Variants in CHODL observed in about 807,000 individuals in gnomAD.
CHODL encodes transmembrane protein MT75.
In CHODL, 29 loss-of-function variants were observed where a neutral mutation model predicts 34.5. The ratio of observed to expected loss-of-function variants is 0.84; its 90% CI spans 0.63 to 1.15. The LOEUF (loss-of-function observed/expected upper bound fraction) is 1.15, where lower values mean the gene tolerates loss of function less well. CHODL is among the 50% of genes most tolerant of loss of function. The pLI is 0.00. For missense variants in CHODL, 332 were observed against 332.5 expected (o/e 1.00, Z 0.01); for synonymous variants, 125 against 116.1 (o/e 1.08, Z -0.49).
At chr21:18,235,958 TTAAG>T (rs1206044851) in intron 2 of CHODL, among the ~76,000 whole-genome samples, 43 of 152,288 alleles carry the variant, frequency 2.8e-4, no homozygotes, top group South Asian at 6.2e-4. Flanking sequence ...CTGTTGGTTA[TTAAG>T]TAAGATGAAT....
rs565631844 is a variant in CHODL at position 18,082,164 on chromosome 21, T to C, written c.-45+54193T>C. On this transcript the variant is annotated intron_variant, in intron 2 of 6. Transcript: ENST00000400127. ...CTTGTATTAGTGAGTTCTCACAAGATCTGGTTGTTTCAAAGTGTGTGGCAC... is the reference window on the plus strand; with the variant it reads ...CTTGTATTAGTGAGTTCTCACAAGACCTGGTTGTTTCAAAGTGTGTGGCAC... Among the ~76,000 whole-genome samples the C allele has an allele frequency of 9.9e-5, 15 of 152,266 alleles. No homozygotes were observed. The South Asian group carries it at 2.1e-3, about 21-fold the overall frequency.
At position 17,919,479 on chromosome 21, in the gene CHODL, C is replaced by A. The variant is rs142226919; in HGVS notation, c.-145+2079C>A. ...AACAGCCCAAGCTGTTACTTTTAGT[C>A]ATGGCTGGAGCAGCTGGGACACAGG... is the stretch of plus-strand genomic sequence containing the variant. On this transcript the variant is annotated intron_variant, in intron 1 of 6. Transcript: ENST00000400127. Among the ~76,000 whole-genome samples the A allele has an allele frequency of 8.0e-3, 1,216 of 152,286 alleles. 19 individuals are homozygous for A. Among genetic ancestry groups the A allele is most frequent in the African/African-American group, 0.027 (1,120 of 41,538 alleles).
chr21:17,928,252 A>G (rs1378937468), intron 1 of CHODL, among the ~76,000 whole-genome samples: 1 of 152,228 alleles, frequency 6.6e-6, no homozygotes, highest in Non-Finnish European at 1.5e-5. Context: ...TCTTCAATGA[A>G]TTTATAGTCT....
At chr21:17,982,877 A>ACC (rs572976879) in intron 1 of CHODL, among the ~76,000 whole-genome samples, 1 of 144,032 alleles carries the variant, frequency 6.9e-6, no homozygotes, top group African/African-American at 2.6e-5. Context: ...ACTCCCTCCA[A>ACC]CCCCCCCCAG....
At chr21:18,090,278 C>A (rs2065056038) in intron 2 of CHODL, among the ~76,000 whole-genome samples, 1 of 151,962 alleles carries the variant, frequency 6.6e-6, no homozygotes, top group South Asian at 2.1e-4. Flanking sequence ...AATAGGGGTA[C>A]CTAGAGTGGA....
chr21:18,075,880 CTT>C (rs1433237430), intron 2 of CHODL, among the ~76,000 whole-genome samples: 1 of 152,104 alleles, frequency 6.6e-6, no homozygotes, highest in Non-Finnish European at 1.5e-5. Context: ...GGATTAGTGC[CTT>C]TATAAAAGAG....
intron 1 of CHODL, among the ~76,000 whole-genome samples, chr21:17,954,371 C>T (rs2063481681): frequency 6.6e-6 from 1 of 151,096 alleles, no homozygotes; most frequent in East Asian, 1.9e-4. Flanking sequence ...TTGACTGGGC[C>T]ACTAGATATT....
intron 1 of CHODL, among the ~76,000 whole-genome samples, chr21:17,960,171 C>G (rs2063521662): frequency 6.6e-6 from 1 of 152,098 alleles, no homozygotes; most frequent in Non-Finnish European, 1.5e-5. Flanking sequence ...ACAGGGTCTT[C>G]CTAAAACCCT....
chr21:17,958,837 A>G (rs762037990), intron 1 of CHODL, among the ~76,000 whole-genome samples: 1 of 152,144 alleles, frequency 6.6e-6, no homozygotes, highest in Non-Finnish European at 1.5e-5. Context: ...ATTTCAATGC[A>G]AACTTGATGG....
intron 2 of CHODL, among the ~76,000 whole-genome samples, chr21:18,141,379 AAAG>A (rs2072800283): frequency 6.6e-6 from 1 of 152,110 alleles, no homozygotes; most frequent in Non-Finnish European, 1.5e-5. Context: ...ACATGTGAAA[AAAG>A]AAAAAATGTG....
At chr21:18,188,025 G>A (rs1447350747) in intron 2 of CHODL, among the ~76,000 whole-genome samples, 5 of 152,022 alleles carry the variant, frequency 3.3e-5, no homozygotes, top group South Asian at 2.1e-4. Context: ...GATTATGCTT[G>A]TCTAGGTTGC....
chr21:17,960,645 T>A (rs1364824853), intron 1 of CHODL, among the ~76,000 whole-genome samples: 1 of 152,206 alleles, frequency 6.6e-6, no homozygotes, highest in Non-Finnish European at 1.5e-5. Flanking sequence ...TGTTATCTCC[T>A]CAAATTTGGT....
At chr21:18,099,671 G>A (rs955462669) in intron 2 of CHODL, among the ~76,000 whole-genome samples, 3 of 151,878 alleles carry the variant, frequency 2.0e-5, no homozygotes, top group South Asian at 2.1e-4. Flanking sequence ...AAATTCTAAC[G>A]GAAAACAGTT....
chr21:18,245,479 A>G (rs1483069052), intron 1 of CHODL, among the ~76,000 whole-genome samples, 177 bp downstream of exon 1: 1 of 152,136 alleles, frequency 6.6e-6, no homozygotes, highest in African/African-American at 2.4e-5. Context: ...CTTCTCTAAC[A>G]CACACGCAGA....
chr21:18,016,045 C>T (rs1231363709), intron 1 of CHODL, among the ~76,000 whole-genome samples: 3 of 152,168 alleles, frequency 2.0e-5, no homozygotes, highest in Non-Finnish European at 4.4e-5. Flanking sequence ...ACCCATCTTT[C>T]TGGGGAGGAA....
intron 2 of CHODL, among the ~76,000 whole-genome samples, chr21:18,220,288 A>G (rs1293323009): frequency 6.6e-6 from 1 of 152,144 alleles, no homozygotes; most frequent in East Asian, 1.9e-4. Flanking sequence ...CAGCCAGTGT[A>G]CATCTTCTAA....
intron 4 of CHODL, 82 bp from the exon 5 acceptor site, chr21:18,262,709 T>G (rs914778522): frequency 2.5e-6 from 2 of 799,064 alleles, no homozygotes; most frequent in African/African-American, 3.4e-5. Flanking sequence ...TTCACCTGAA[T>G]TTTTTGAAAC....
At chr21:18,004,799 A>G (rs1321469669) in intron 1 of CHODL, among the ~76,000 whole-genome samples, 1 of 151,564 alleles carries the variant, frequency 6.6e-6, no homozygotes, top group African/African-American at 2.4e-5. Flanking sequence ...TCCTTGCAAC[A>G]TTGTTGCAAA....
intron 2 of CHODL, among the ~76,000 whole-genome samples, chr21:18,165,096 A>G (rs576337519): frequency 1.3e-5 from 2 of 152,316 alleles, no homozygotes; most frequent in African/African-American, 4.8e-5. Context: ...GATGTTTAGC[A>G]GCATCTCTGA....
Sources: allele counts gnomAD v4.1 joint callset (sites outside exome capture counted in the v4.1 genomes callset), GRCh38; gene constraint gnomAD v4.1.1; transcripts MANE v1.5; gene names NCBI Gene and HGNC (gene_info 2026-07-23, HGNC 2026-07-21).